Variants in P3H2 observed in about 807,000 individuals in gnomAD.
The protein encoded by P3H2 is prolyl 3-hydroxylase 2.
Under a neutral mutation model 87.0 loss-of-function variants are expected in P3H2, and 80 were observed. The ratio of observed to expected loss-of-function variants is 0.92; its 90% CI spans 0.77 to 1.11. The LOEUF (loss-of-function observed/expected upper bound fraction) is 1.11, where lower values mean the gene tolerates loss of function less well. Among genes scored for constraint, P3H2 ranks in the 50% least tolerant of loss-of-function variants. P3H2 has a pLI of 0.00. For synonymous variants in P3H2, 367 were observed against 359.3 expected, an observed-to-expected ratio of 1.02 and a Z score of -0.24; for missense variants, 1,001 against 923.9, an observed-to-expected ratio of 1.08 and a Z score of -1.08.
At chr3:190,106,729 A>T (rs980132488) in intron 1 of P3H2, among the ~76,000 whole-genome samples, 10 of 152,168 alleles carry the variant, frequency 6.6e-5, no homozygotes, top group African/African-American at 2.4e-4. Flanking sequence ...AGTGGATGAC[A>T]ACTCAGGATT....
chr3:190,038,180 G>A (rs1175228393), intron 1 of P3H2, among the ~76,000 whole-genome samples: 4 of 150,196 alleles, frequency 2.7e-5, no homozygotes, highest in African/African-American at 9.8e-5. Flanking sequence ...GACCTGTCGC[G>A]AGCCGAGATT....
intron 9 of P3H2, 68 bp downstream of exon 9, chr3:189,974,490 G>T: frequency 6.2e-7 from 1 of 1,604,636 alleles, no homozygotes; most frequent in South Asian, 1.1e-5. Flanking sequence ...GATGAGACCA[G>T]GACCAAAGCA....
chr3:190,015,963 G>A (rs1724741046), intron 1 of P3H2, among the ~76,000 whole-genome samples: 1 of 152,188 alleles, frequency 6.6e-6, no homozygotes, highest in South Asian at 2.1e-4. Context: ...ATCTGCGTTG[G>A]AGGGTGGGGG....
At position 189,971,923 on chromosome 3, in the gene P3H2, T is replaced by G. The variant is rs778738955; in HGVS notation, c.1784A>C (p.Lys595Thr). ...TCGAAATGTGTAAGCAGGAGGCTCC[T>G]TCCAGCATTCGTTGGCCTCTGGATC... ...LLDPEANECW[K>T]EPPAYTFRDY... The change falls in exon 12 of 15, where the codon AAG becomes ACG. Residue 595 changes from lysine (K) to threonine (T), a missense_variant. Lys to Thr is a moderately conservative substitution (Grantham distance 78). Coordinates refer to ENST00000319332, the MANE Select transcript of P3H2 (RefSeq NM_018192.4). 6.2e-7 allele frequency: 1 copy of G among 1,612,178 alleles called. No individual in the cohort carries two copies. The highest frequency in any genetic ancestry group is 1.1e-5 in the South Asian group (1 of 91,052).
At chr3:190,023,710 T>C (rs776336578) in intron 1 of P3H2, among the ~76,000 whole-genome samples, 9 of 152,196 alleles carry the variant, frequency 5.9e-5, no homozygotes, top group Admixed American at 2.0e-4. Flanking sequence ...TCTATTTATC[T>C]ATGTAAAATT....
chr3:189,998,835 T>C (rs759272128), intron 1 of P3H2, among the ~76,000 whole-genome samples: 3 of 152,174 alleles, frequency 2.0e-5, no homozygotes, highest in African/African-American at 7.2e-5. Context: ...GTTGCAGGGA[T>C]AGTTTCAGAA....
intron 1 of P3H2, among the ~76,000 whole-genome samples, chr3:190,064,544 G>A (rs1726437041): frequency 6.6e-6 from 1 of 152,018 alleles, no homozygotes. Context: ...TACATTTCCA[G>A]TCTTTGTGCA....
At chr3:190,029,594 A>G (rs1436991047) in intron 1 of P3H2, among the ~76,000 whole-genome samples, 1 of 152,224 alleles carries the variant, frequency 6.6e-6, no homozygotes, top group Non-Finnish European at 1.5e-5. Flanking sequence ...TATTAAAGCA[A>G]TCTTTATCCA....
At chr3:190,054,024 C>T (rs1726070250) in intron 1 of P3H2, among the ~76,000 whole-genome samples, 1 of 152,104 alleles carries the variant, frequency 6.6e-6, no homozygotes, top group Non-Finnish European at 1.5e-5. Context: ...TTCCTTCATA[C>T]ATTAGTAGAA....
intron 1 of P3H2, among the ~76,000 whole-genome samples, chr3:190,094,614 C>T (rs1197656622): frequency 6.6e-6 from 1 of 152,192 alleles, no homozygotes; most frequent in Non-Finnish European, 1.5e-5. Flanking sequence ...GCCTTGATGT[C>T]CTGAGTACAA....
In P3H2 at chr3:189,964,052, C is replaced by G. The variant is rs1019382778; in HGVS notation, c.1940G>C (p.Gly647Ala). 2.4e-5 allele frequency: 39 copies of G among 1,613,968 alleles called. No individual in the cohort carries two copies. Among genetic ancestry groups the G allele is most frequent in the Non-Finnish European group, 3.2e-5 (38 of 1,179,978 alleles). The change falls in exon 14 of 15, where the codon GGA becomes GCA. Residue 647 changes from glycine to alanine, a missense_variant. By Grantham distance (60) the Gly-to-Ala change is moderately conservative. Coordinates refer to ENST00000319332, the MANE Select transcript of P3H2 (RefSeq NM_018192.4). ...CTTCACCCCATGAGGGTTCTCTCCT[C>G]CAGATGAGAAGCTGATCATGCGCCC... is the stretch of plus-strand genomic sequence containing the variant. ...KCGRMISFSS[G>A]GENPHGVKAV...
At chr3:190,091,973 C>T (rs1435835604) in intron 1 of P3H2, among the ~76,000 whole-genome samples, 1 of 152,204 alleles carries the variant, frequency 6.6e-6, no homozygotes, top group East Asian at 1.9e-4. Context: ...TGGCTCACGC[C>T]TATAATCCCA....
chr3:190,110,948 C>A (rs1210070092), intron 1 of P3H2, among the ~76,000 whole-genome samples: 7 of 152,174 alleles, frequency 4.6e-5, no homozygotes, highest in African/African-American at 1.7e-4. Flanking sequence ...CTGTTATGTG[C>A]TCAAAAACTG....
intron 13 of P3H2, chr3:189,968,894 T>C (rs1452617192): frequency 6.4e-6 from 1 of 155,110 alleles, no homozygotes; most frequent in Non-Finnish European, 1.4e-5. Flanking sequence ...AAATGTCTTC[T>C]TTTGAGAAGT....
rs1553872347 is a variant in P3H2 at position 189,974,580 on chromosome 3, C to T, written c.1430G>A (p.Arg477Gln). ...CACACTGGCCACGCTGTGGAGCTCC[C>T]GGCACTGTTCTTCCGACAGGACGTT... The part of the protein sequence containing the change: ...LDNVLSEEQC[R>Q]ELHSVASGIM... Residue 477 changes from arginine (R) to glutamine (Q), a missense_variant, in exon 9 of 15, where the codon CGG (arginine) becomes CAG (glutamine). By Grantham distance (43) the Arg-to-Gln change is conservative. Coordinates refer to ENST00000319332, the MANE Select transcript of P3H2 (RefSeq NM_018192.4). 3.1e-6 allele frequency: 5 copies of T among 1,613,976 alleles called. No homozygotes were observed. Among genetic ancestry groups the T allele is most frequent in the Non-Finnish European group, 4.2e-6 (5 of 1,180,036 alleles).
chr3:190,098,789 C>A (rs1001370499), intron 1 of P3H2, among the ~76,000 whole-genome samples: 1 of 152,132 alleles, frequency 6.6e-6, no homozygotes, highest in African/African-American at 2.4e-5. Context: ...GTGTATTTCG[C>A]AGAATTAAAA....
At chr3:189,965,015 C>A (rs940579052) in intron 13 of P3H2, among the ~76,000 whole-genome samples, 1 of 152,180 alleles carries the variant, frequency 6.6e-6, no homozygotes, top group Non-Finnish European at 1.5e-5. Context: ...TTGGGAAATA[C>A]AGAAACTTTA....
intron 1 of P3H2, among the ~76,000 whole-genome samples, chr3:190,023,384 A>C (rs1028843177): frequency 6.6e-6 from 1 of 152,190 alleles, no homozygotes; most frequent in Admixed American, 6.5e-5. Context: ...AAAGAGGTTG[A>C]ATTGACTCAA....
At chr3:189,982,864 A>C (rs1263330688) in intron 8 of P3H2, among the ~76,000 whole-genome samples, 182 bp downstream of exon 8, 1 of 152,086 alleles carries the variant, frequency 6.6e-6, no homozygotes, top group Non-Finnish European at 1.5e-5. Flanking sequence ...CCATGGTAAT[A>C]ATACACAAAT....
Sources: gnomAD v4.1 joint callset for allele counts (sites outside exome capture counted in the v4.1 genomes callset) on GRCh38, gnomAD v4.1.1 for gene constraint, MANE v1.5 for transcripts, NCBI Gene and HGNC (gene_info 2026-07-23, HGNC 2026-07-21) for gene names.